CCDC7: variants seen among roughly 807,000 people sequenced by gnomAD.
CCDC7 encodes coiled-coil domain containing 7.
CCDC7 carries 183 observed loss-of-function variants against 196.9 expected under a neutral mutation model. The observed-to-expected ratio is 0.93, with a 90% CI of 0.82 to 1.05. CCDC7 has a LOEUF of 1.05. CCDC7 is among the 50% of genes least tolerant of loss of function. The pLI is 0.00. For missense variants in CCDC7, 1,540 were observed against 1,482.2 expected, an observed-to-expected ratio of 1.04 and a Z score of -0.64; for synonymous variants, 525 against 484.6, an observed-to-expected ratio of 1.08 and a Z score of -1.10.
chr10:32,836,004 A>T (rs1000362697), intron 33 of CCDC7, among the ~76,000 whole-genome samples: 33 of 152,116 alleles, frequency 2.2e-4, no homozygotes, highest in African/African-American at 6.5e-4. Flanking sequence ...ATTTGATAAA[A>T]ATGTCAGGTA....
intron 41 of CCDC7, among the ~76,000 whole-genome samples, chr10:32,863,124 A>G (rs1433239252): frequency 1.3e-5 from 2 of 152,106 alleles, no homozygotes; most frequent in South Asian, 2.1e-4. Context: ...TTCCAATGGT[A>G]TTATTCACAT....
At chr10:32,663,337 A>T (rs2071922830) in intron 20 of CCDC7, among the ~76,000 whole-genome samples, 1 of 152,200 alleles carries the variant, frequency 6.6e-6, no homozygotes, top group African/African-American at 2.4e-5. Context: ...TGCTAGGAAC[A>T]TGCTTAGATT....
At chr10:32,476,357 G>A (rs1229601061) in intron 8 of CCDC7, among the ~76,000 whole-genome samples, 2 of 152,108 alleles carry the variant, frequency 1.3e-5, no homozygotes, top group African/African-American at 4.8e-5. Context: ...GTTCCTCTGT[G>A]TTTCAATAGT....
At chr10:32,706,198 A>T (rs1326925731) in intron 24 of CCDC7, among the ~76,000 whole-genome samples, 2 of 152,166 alleles carry the variant, frequency 1.3e-5, no homozygotes, top group South Asian at 4.1e-4. Flanking sequence ...GGGAAACTGA[A>T]CAACCTGCTC....
chr10:32,488,483 C>T (rs916737349), intron 8 of CCDC7, among the ~76,000 whole-genome samples: 2 of 152,168 alleles, frequency 1.3e-5, no homozygotes, highest in Admixed American at 6.5e-5. Context: ...TTGCGCTGCA[C>T]CCAGTGTCCT....
chr10:32,699,395 A>G (rs1299678555), intron 24 of CCDC7, among the ~76,000 whole-genome samples: 2 of 151,720 alleles, frequency 1.3e-5, no homozygotes, highest in African/African-American at 4.9e-5. Flanking sequence ...ATCCATTTTT[A>G]TGGCTGCATA....
At chr10:32,720,527 C>G (rs1353687940) in intron 25 of CCDC7, among the ~76,000 whole-genome samples, 2 of 152,006 alleles carry the variant, frequency 1.3e-5, no homozygotes, top group East Asian at 3.9e-4. Context: ...ACCTATGTAA[C>G]AAGCCTGCAT....
At chr10:32,818,421 CA>C (rs2089330058) in intron 31 of CCDC7, among the ~76,000 whole-genome samples, 3 of 152,154 alleles carry the variant, frequency 2.0e-5, no homozygotes, top group Non-Finnish European at 2.9e-5. Flanking sequence ...CAACATTAGA[CA>C]GATCAACGAG....
chr10:32,671,861 T>C (rs1275072797), intron 21 of CCDC7, among the ~76,000 whole-genome samples: 1 of 152,134 alleles, frequency 6.6e-6, no homozygotes, highest in Non-Finnish European at 1.5e-5. Context: ...ATGACAAAGA[T>C]TTCGAGGATC....
At chr10:32,577,962 TC>T (rs1213848616) in intron 16 of CCDC7, among the ~76,000 whole-genome samples, 1 of 152,166 alleles carries the variant, frequency 6.6e-6, no homozygotes, top group African/African-American at 2.4e-5. Context: ...AATCATTTCA[TC>T]CAAAGATGTA....
At chr10:32,643,104 A>T (rs1490839497) in intron 20 of CCDC7, among the ~76,000 whole-genome samples, 1 of 152,156 alleles carries the variant, frequency 6.6e-6, no homozygotes, top group Admixed American at 6.5e-5. Context: ...ATTTACTAAG[A>T]GAGGCATGTT....
At chr10:32,590,150 T>C (rs957125446) in intron 18 of CCDC7, among the ~76,000 whole-genome samples, 2 of 151,972 alleles carry the variant, frequency 1.3e-5, no homozygotes, top group African/African-American at 4.8e-5. Flanking sequence ...TTCTTCCCTT[T>C]TTGTCTTCCT....
At chr10:32,604,932 T>A (rs1030451032) in intron 18 of CCDC7, among the ~76,000 whole-genome samples, 1 of 152,174 alleles carries the variant, frequency 6.6e-6, no homozygotes, top group Non-Finnish European at 1.5e-5. Context: ...TCTTGCCTGA[T>A]CTGTTTATGT....
At chr10:32,758,947 C>T (rs1317111483) in intron 28 of CCDC7, among the ~76,000 whole-genome samples, 2 of 152,056 alleles carry the variant, frequency 1.3e-5, no homozygotes, top group Non-Finnish European at 2.9e-5. Flanking sequence ...TTCCTATACA[C>T]CAATAGCAGA....
chr10:32,770,738 G>A (rs1168383649), intron 28 of CCDC7, among the ~76,000 whole-genome samples: 3 of 151,986 alleles, frequency 2.0e-5, no homozygotes, highest in Non-Finnish European at 4.4e-5. Context: ...TTATTGTTTT[G>A]CTATCTTATG....
chr10:32,570,821 T>C (rs916776259), intron 15 of CCDC7, among the ~76,000 whole-genome samples: 4 of 152,142 alleles, frequency 2.6e-5, no homozygotes, highest in African/African-American at 9.7e-5. Flanking sequence ...TTGTTGACCA[T>C]TTAGGAGTCT....
chr10:32,829,744 G>A (rs2091896515), intron 32 of CCDC7, among the ~76,000 whole-genome samples: 1 of 152,026 alleles, frequency 6.6e-6, no homozygotes, highest in South Asian at 2.1e-4. Flanking sequence ...TTGGAGTGAA[G>A]GATGCAAAGT....
intron 20 of CCDC7, among the ~76,000 whole-genome samples, chr10:32,656,140 G>T (rs1407285672): frequency 6.6e-6 from 1 of 151,984 alleles, no homozygotes; most frequent in Non-Finnish European, 1.5e-5. Flanking sequence ...TTTTCCCTAC[G>T]TTTTCTTCTA....
chr10:32,603,059 C>T (rs535418375), intron 18 of CCDC7, among the ~76,000 whole-genome samples: 10 of 152,216 alleles, frequency 6.6e-5, no homozygotes, highest in Admixed American at 2.6e-4. Flanking sequence ...ATTCCTTTTA[C>T]CTAATTGTGT....
Sources: allele counts gnomAD v4.1 joint callset (sites outside exome capture counted in the v4.1 genomes callset), GRCh38; gene constraint gnomAD v4.1.1; transcripts MANE v1.5; gene names NCBI Gene and HGNC (gene_info 2026-07-23, HGNC 2026-07-21).